The following TRPM3 variants were observed in gnomAD, a reference collection of about 807,000 sequenced individuals.
The protein encoded by TRPM3 is transient receptor potential cation channel subfamily M member 3, also known as long transient receptor potential channel 3.
Under a neutral mutation model 181.2 loss-of-function variants are expected in TRPM3, and 77 were observed. The observed-to-expected ratio is 0.42, with a 90% confidence interval of 0.35 to 0.51. The LOEUF (loss-of-function observed/expected upper bound fraction) is 0.51. TRPM3 is among the 20% of genes least tolerant of loss of function. The pLI is 0.01. For synonymous variants in TRPM3, 745 were observed against 796.4 expected, an observed-to-expected ratio of 0.94 and a Z score of 1.09; for missense variants, 1,759 against 2,196.7, an observed-to-expected ratio of 0.80 and a Z score of 3.98.
At chr9:71,047,565 C>G (rs1329761) in intron 1 of TRPM3, among the ~76,000 whole-genome samples, 138,211 of 152,248 alleles carry the variant, frequency 0.91, 62,848 homozygotes, top group East Asian at 1. Context: ...CTGAAGCAAG[C>G]CTGTGGACAG....
intron 1 of TRPM3, among the ~76,000 whole-genome samples, chr9:70,936,413 A>G (rs1221281363): frequency 6.6e-6 from 1 of 152,230 alleles, no homozygotes; most frequent in African/African-American, 2.4e-5. Flanking sequence ...ATAGAGTTCC[A>G]TACTCTAAAG....
At chr9:71,432,684 A>G (rs543360009) in intron 1 of TRPM3, among the ~76,000 whole-genome samples, 5 of 152,182 alleles carry the variant, frequency 3.3e-5, no homozygotes, top group Non-Finnish European at 7.4e-5. Flanking sequence ...TAGAACATGG[A>G]AAACAATTTT....
At chr9:71,362,652 G>C (rs1254478352) in intron 1 of TRPM3, among the ~76,000 whole-genome samples, 2 of 152,102 alleles carry the variant, frequency 1.3e-5, no homozygotes, top group Non-Finnish European at 2.9e-5. Context: ...ATTATTTCCT[G>C]TCTCTATGAC....
chr9:70,673,520 C>G (rs984546776), intron 9 of TRPM3, among the ~76,000 whole-genome samples: 1 of 152,170 alleles, frequency 6.6e-6, no homozygotes, highest in Non-Finnish European at 1.5e-5. Flanking sequence ...GTTTACCAAC[C>G]CACACAGTAA....
chr9:71,394,503 C>T (rs568257838), intron 1 of TRPM3, among the ~76,000 whole-genome samples: 24 of 152,294 alleles, frequency 1.6e-4, no homozygotes, highest in Admixed American at 5.2e-4. Flanking sequence ...CAAAACTAGT[C>T]CAAAGCTTGC....
chr9:71,091,334 A>G (rs1482274847), intron 1 of TRPM3, among the ~76,000 whole-genome samples: 1 of 152,024 alleles, frequency 6.6e-6, no homozygotes, highest in African/African-American at 2.4e-5. Flanking sequence ...ACGAAACCCA[A>G]ACTTTTAAAG....
At position 70,537,421 on chromosome 9, in the gene TRPM3, A is replaced by G. The variant is rs1049490527; in HGVS notation, c.3708-16T>C. The G allele has an allele frequency of 2.8e-6, 4 of 1,432,568 alleles. No homozygotes were observed. The African/African-American group carries it at 5.7e-5, about 20-fold the overall frequency. The allele number at this position is 1,432,568 out of a possible 1,614,324, so 88.7% of individuals were successfully genotyped here. Reference sequence around the variant, plus strand: ...GTTCTCCACCCTGCGCGAGGAAGAGAGAATGAGAGTCACTCGGCCTGGTTC... The same window carrying G: ...GTTCTCCACCCTGCGCGAGGAAGAGGGAATGAGAGTCACTCGGCCTGGTTC... On this transcript the variant is annotated splice_polypyrimidine_tract_variant and intron_variant, in intron 25 of 25. Transcript: ENST00000677713.
chr9:71,074,934 C>T (rs560724008), intron 1 of TRPM3, among the ~76,000 whole-genome samples: 2 of 151,832 alleles, frequency 1.3e-5, no homozygotes, highest in African/African-American at 4.8e-5. Context: ...AGACTTTAAC[C>T]AATAATAAAG....
Position 71,040,547 on chromosome 9 carries a change from T to C in TRPM3, c.177+80631A>G, listed in dbSNP as rs562412373. 2.0e-5 allele frequency among the ~76,000 whole-genome samples: 3 copies of C among 152,316 alleles called. No homozygotes were observed. In the South Asian group the frequency reaches 6.2e-4, roughly 32 times the overall value. The stretch of plus-strand genomic sequence containing the variant: ...GAATAAACACTTTTAAAAAATTGCC[T>C]TTGATTAGAATTAAAAACATCAGCA... On this transcript the variant is annotated intron_variant, in intron 1 of 25. Transcript: ENST00000677713.
rs78799520 is a variant in TRPM3, at chr9:70,594,616, T to C, written c.3049-3411A>G. On this transcript the variant is annotated intron_variant, in intron 21 of 25. Coordinates refer to ENST00000677713, the MANE Select transcript of TRPM3 (RefSeq NM_001366145.2). ...TGATTCTGGGCCTGCAGCAGATCAA[T>C]TGGAGTCTTTCCGGATATGCAGGCT... 1.6e-4 allele frequency among the ~76,000 whole-genome samples: 24 copies of C among 152,342 alleles called. No individual in the cohort carries two copies. The East Asian group carries it at 3.5e-3, about 22-fold the overall frequency.
At chr9:71,126,560 T>C (rs1026502155), upstream of TRPM3, among the ~76,000 whole-genome samples, 3 of 152,180 alleles carry the variant, frequency 2.0e-5, no homozygotes, top group African/African-American at 4.8e-5. Flanking sequence ...TATTTCCAAA[T>C]ATATGTTTTC....
At chr9:70,799,089 G>A (rs1477084226) in intron 6 of TRPM3, among the ~76,000 whole-genome samples, 1 of 152,168 alleles carries the variant, frequency 6.6e-6, no homozygotes, top group Non-Finnish European at 1.5e-5. Context: ...GGTCACCAGG[G>A]AGAAAACATT....
intron 15 of TRPM3, 24 bp downstream of exon 15, chr9:70,621,220 C>T (rs1468433056): frequency 6.4e-7 from 1 of 1,565,394 alleles, no homozygotes; most frequent in Non-Finnish European, 8.7e-7. Context: ...ATCATTGACA[C>T]TAATAATTTG....
At chr9:70,949,288 C>T (rs931175730) in intron 1 of TRPM3, among the ~76,000 whole-genome samples, 8 of 151,930 alleles carry the variant, frequency 5.3e-5, no homozygotes, top group African/African-American at 1.9e-4. Context: ...AAACTCCTGG[C>T]TCAAGTGATC....
intron 1 of TRPM3, among the ~76,000 whole-genome samples, chr9:71,316,259 A>G (rs1261580251): frequency 1.3e-5 from 2 of 152,164 alleles, no homozygotes; most frequent in African/African-American, 4.8e-5. Flanking sequence ...CTTCTCTTGA[A>G]GACCATACCA....
Position 71,405,296 on chromosome 9 carries a change from G to C in TRPM3, c.183+41357C>G, listed in dbSNP as rs1159286146. 2.0e-5 allele frequency among the ~76,000 whole-genome samples: 3 copies of C among 152,204 alleles called. No individual in the cohort carries two copies. The East Asian group carries it at 5.8e-4, about 29-fold the overall frequency. On this transcript the variant is annotated intron_variant, in intron 1 of 24. Transcript: ENST00000357533. ...CTATACATACAGCAAAGTGCAAAATGCACAAATTTTTTTTAAAAAAATCTT... is the reference window on the plus strand; with the variant it reads ...CTATACATACAGCAAAGTGCAAAATCCACAAATTTTTTTTAAAAAAATCTT...
chr9:71,373,151 C>T (rs773497127), intron 1 of TRPM3, among the ~76,000 whole-genome samples: 1 of 152,068 alleles, frequency 6.6e-6, no homozygotes, highest in Non-Finnish European at 1.5e-5. Flanking sequence ...TATAGCACTA[C>T]ATGCCCACAT....
chr9:71,118,568 C>T (rs1256745892), intron 1 of TRPM3, among the ~76,000 whole-genome samples: 1 of 152,112 alleles, frequency 6.6e-6, no homozygotes, highest in Non-Finnish European at 1.5e-5. Context: ...GGTGACTGAT[C>T]AGAGTTTAGC....
rs537695476 is a variant in TRPM3, at chr9:70,956,545, T to C, written c.178-92034A>G. Among the ~76,000 whole-genome samples, 223 of 152,256 alleles carry C rather than the reference T, an allele frequency of 1.5e-3. 2 individuals are homozygous for C. The highest frequency in any genetic ancestry group is 5.1e-3 in the African/African-American group (212 of 41,562). ...ATATATGTGCATATATTTATATGCA[T>C]ATCCTATCCAAATGTATAAAGGTCT... On this transcript the variant is annotated intron_variant, in intron 1 of 25. Coordinates refer to ENST00000677713, the MANE Select transcript of TRPM3 (RefSeq NM_001366145.2).
Sources: allele counts gnomAD v4.1 joint callset (sites outside exome capture counted in the v4.1 genomes callset), GRCh38; gene constraint gnomAD v4.1.1; transcripts MANE v1.5; gene names NCBI Gene and HGNC (gene_info 2026-07-23, HGNC 2026-07-21).